Variants in CCDC7 observed in about 807,000 individuals in gnomAD.
CCDC7 encodes the protein coiled-coil domain-containing protein 7.
A neutral mutation model predicts 196.9 loss-of-function variants in CCDC7; 183 were observed. The observed-to-expected ratio is 0.93, with a 90% confidence interval of 0.82 to 1.05. The LOEUF (loss-of-function observed/expected upper bound fraction) is 1.05, where lower values mean the gene tolerates loss of function less well. Ranked by LOEUF, CCDC7 falls within the 50% of genes least tolerant of loss-of-function variation. CCDC7 has a pLI of 0.00. For missense variants in CCDC7, 1,540 were observed against 1,482.2 expected (o/e 1.04, Z -0.64); for synonymous variants, 525 against 484.6 (o/e 1.08, Z -1.10).
At chr10:32,555,056 T>C (rs1052142297) in intron 13 of CCDC7, among the ~76,000 whole-genome samples, 10 of 152,232 alleles carry the variant, frequency 6.6e-5, no homozygotes, top group Admixed American at 2.0e-4. Flanking sequence ...TAGTACTCCA[T>C]TATGTATGTG....
At chr10:32,718,424 T>G (rs565716912) in intron 25 of CCDC7, among the ~76,000 whole-genome samples, 1 of 152,248 alleles carries the variant, frequency 6.6e-6, no homozygotes, top group Non-Finnish European at 1.5e-5. Flanking sequence ...TCATACTGAG[T>G]GGGCAACAGC....
At chr10:32,525,110 G>A (rs2048454377) in intron 11 of CCDC7, among the ~76,000 whole-genome samples, 1 of 151,506 alleles carries the variant, frequency 6.6e-6, no homozygotes, top group South Asian at 2.1e-4. Context: ...ATAGGGGGAT[G>A]GGGGAGGGAT....
chr10:32,455,308 TA>T (rs2034084221), intron 2 of CCDC7, among the ~76,000 whole-genome samples: 1 of 151,188 alleles, frequency 6.6e-6, no homozygotes. Flanking sequence ...TTTATTTATT[TA>T]TTTTATTTTA....
intron 11 of CCDC7, among the ~76,000 whole-genome samples, chr10:32,542,784 C>A (rs1287384563): frequency 1.3e-5 from 2 of 152,096 alleles, no homozygotes; most frequent in Non-Finnish European, 2.9e-5. Flanking sequence ...CAAGTTGCAA[C>A]CTATTCAATG....
At chr10:32,660,059 T>C (rs1432169835) in intron 20 of CCDC7, among the ~76,000 whole-genome samples, 2 of 152,228 alleles carry the variant, frequency 1.3e-5, no homozygotes, top group Non-Finnish European at 2.9e-5. Flanking sequence ...GCTTTTTGCC[T>C]GAGTGGGTAC....
At chr10:32,783,735 A>G (rs1311239569) in intron 29 of CCDC7, among the ~76,000 whole-genome samples, 1 of 152,238 alleles carries the variant, frequency 6.6e-6, no homozygotes, top group Non-Finnish European at 1.5e-5. Context: ...CAAAAGTTGT[A>G]AACAACCTAA....
chr10:32,864,237 G>C (rs2094123102), intron 41 of CCDC7, among the ~76,000 whole-genome samples: 1 of 151,592 alleles, frequency 6.6e-6, no homozygotes, highest in South Asian at 2.1e-4. Flanking sequence ...GAAGAAAAAA[G>C]GAGAGGGTTG....
chr10:32,642,490 G>A (rs187517646), intron 20 of CCDC7, among the ~76,000 whole-genome samples: 276 of 152,306 alleles, frequency 1.8e-3, no homozygotes, highest in African/African-American at 5.5e-3. Context: ...TTTGCTGACC[G>A]TTGGAAGAGC....
At chr10:32,480,919 G>C (rs1199308609) in intron 8 of CCDC7, among the ~76,000 whole-genome samples, 1 of 152,118 alleles carries the variant, frequency 6.6e-6, no homozygotes, top group Non-Finnish European at 1.5e-5. Context: ...CTGTCTGGAT[G>C]ATTTGTCCAT....
intron 18 of CCDC7, among the ~76,000 whole-genome samples, chr10:32,619,698 T>C (rs771329387): frequency 2.6e-5 from 4 of 152,084 alleles, no homozygotes; most frequent in Non-Finnish European, 5.9e-5. Flanking sequence ...CAAGCAATCT[T>C]CTTCCTGCTT....
At position 32,569,984 on chromosome 10, in the gene CCDC7, C is replaced by G. The variant is rs577320698; in HGVS notation, c.1420-1875C>G. On this transcript the variant is annotated intron_variant, in intron 15 of 41. Transcript: ENST00000639629. ...AGAGTTTCTTTTTATTCCATATACT[C>G]TTTCTGAACATGCTCATATACCTTC... Among the ~76,000 whole-genome samples, 216 of 152,230 alleles carry G rather than the reference C, an allele frequency of 1.4e-3. 1 individual carries two copies. Among genetic ancestry groups the G allele is most frequent in the African/African-American group, 4.9e-3 (205 of 41,534 alleles).
chr10:32,833,531 C>T (rs535454536), intron 32 of CCDC7, among the ~76,000 whole-genome samples: 3 of 152,174 alleles, frequency 2.0e-5, no homozygotes, highest in African/African-American at 7.2e-5. Flanking sequence ...ATACTCATTA[C>T]TGATCTAAGA....
chr10:32,813,287 C>T lies in CCDC7; in HGVS notation c.3098-1083C>T, dbSNP rs554249707. ...GAATTTCTTTTTAATAATTTTTATA[C>T]GTTTTTATCTCATTGAACTTAGTAG... On this transcript the variant is annotated intron_variant, in intron 30 of 41. Transcript: ENST00000639629. 9.1e-4 allele frequency among the ~76,000 whole-genome samples: 139 copies of T among 152,054 alleles called. 1 individual carries two copies. The highest frequency in any genetic ancestry group is 1.8e-3 in the Non-Finnish European group (125 of 68,004).
intron 9 of CCDC7, among the ~76,000 whole-genome samples, chr10:32,506,768 C>T (rs780320522): frequency 1.6e-4 from 24 of 152,166 alleles, no homozygotes; most frequent in East Asian, 1.2e-3. Flanking sequence ...AGGAGAATCA[C>T]GGGAGCCCGA....
chr10:32,834,516 TA>T (rs925511202), intron 32 of CCDC7, among the ~76,000 whole-genome samples: 89 of 152,176 alleles, frequency 5.8e-4, no homozygotes, highest in African/African-American at 1.9e-3. Context: ...AAGCACTGGT[TA>T]AGGAGTAACA....
intron 25 of CCDC7, among the ~76,000 whole-genome samples, chr10:32,716,155 A>G (rs747490444): frequency 2.0e-5 from 3 of 152,188 alleles, no homozygotes; most frequent in Non-Finnish European, 4.4e-5. Context: ...GCCAGAGAGA[A>G]AGGTCAGGTT....
intron 3 of CCDC7, among the ~76,000 whole-genome samples, chr10:32,457,156 C>G (rs997385285): frequency 6.6e-6 from 1 of 151,972 alleles, no homozygotes; most frequent in African/African-American, 2.4e-5. Context: ...TCACCCCTAC[C>G]CTTTCCAACC....
rs775994559 is a variant in CCDC7 at position 32,824,656 on chromosome 10, GT to G, written c.3268+55del. 4.1e-6 allele frequency: 5 copies of G among 1,204,888 alleles called. No homozygotes were observed. In the Admixed American group the frequency reaches 5.6e-5, roughly 14 times the overall value. The allele number at this position is 1,204,888 out of a possible 1,614,324, so 74.6% of individuals were successfully genotyped here. A position where few individuals can be genotyped will look rare whatever the true frequency, so the allele number is the denominator to read the frequency against. On this transcript the variant is annotated intron_variant, in intron 32 of 41. Transcript: ENST00000639629. ...CTTATGGTTTCCTATCTTCTCTGGA[GT>G]TTAAGTATGTATCTCTAATGACAAC...
At chr10:32,565,593 T>C in exon 14 of CCDC7, 3 of 1,609,320 alleles carry the variant, frequency 1.9e-6, no homozygotes, top group Non-Finnish European at 2.5e-6. Context: ...ACAAAGTCCT[T>C]CAGGAGCAAT....
Sources: gnomAD v4.1 joint callset for allele counts (sites outside exome capture counted in the v4.1 genomes callset) on GRCh38, gnomAD v4.1.1 for gene constraint, MANE v1.5 for transcripts, NCBI Gene and HGNC (gene_info 2026-07-23, HGNC 2026-07-21) for gene names.